The following MYT1 variants were observed in gnomAD, a reference collection of about 807,000 sequenced individuals.
MYT1 encodes myelin transcription factor I.
Under a neutral mutation model 123.0 loss-of-function variants are expected in MYT1, and 23 were observed. The observed-to-expected ratio is 0.19, with a 90% CI of 0.13 to 0.26. MYT1 has a LOEUF of 0.26. MYT1 is among the 10% of genes least tolerant of loss of function. MYT1 has a pLI of 1.00. For synonymous variants in MYT1, 518 were observed against 575.3 expected, an observed-to-expected ratio of 0.90 and a Z score of 1.43; for missense variants, 1,125 against 1,472.5, an observed-to-expected ratio of 0.76 and a Z score of 3.86.
At chr20:64,236,003 C>T (rs1179486468) in intron 19 of MYT1, among the ~76,000 whole-genome samples, 22 of 41,624 alleles carry the variant, frequency 5.3e-4, no homozygotes, top group Admixed American at 1.3e-3. Context: ...GGGCTGGCCG[C>T]GGTGGGTGAC....
Position 64,215,437 on chromosome 20 carries a change from C to T in MYT1, c.1632-1630C>T, listed in dbSNP as rs532430512. 4.4e-4 allele frequency among the ~76,000 whole-genome samples: 67 copies of T among 152,312 alleles called. 2 individuals are homozygous for T. The South Asian group carries it at 0.013, about 29-fold the overall frequency. ...CCCGTTAGGCCCTTTTGATTCTATC[C>T]AGCCCACATTTCTGGCTATCGAACT... On this transcript the variant is annotated intron_variant, in intron 10 of 22. Transcript: ENST00000328439.
rs1425195458 is a variant in MYT1 at position 64,168,502 on chromosome 20, C to T, written c.-99+3763C>T. Among the ~76,000 whole-genome samples, 1 of 152,342 alleles carries T rather than the reference C, an allele frequency of 6.6e-6. No homozygotes were observed. The highest frequency in any genetic ancestry group is 2.1e-4 in the South Asian group (1 of 4,828). On this transcript the variant is annotated intron_variant, in intron 1 of 22. Coordinates refer to ENST00000328439, the MANE Select transcript of MYT1 (RefSeq NM_004535.3). This position sits in a 1 kb window ranked among gnomAD's most constrained non-coding sequence, Gnocchi z 6.1. Reference sequence around the variant, plus strand: ...TGCTTTAATCTGCCCTGGCTGAGTACATCTGCCTTGGCCAGGATTGGAGTC... The same window carrying T: ...TGCTTTAATCTGCCCTGGCTGAGTATATCTGCCTTGGCCAGGATTGGAGTC...
At chr20:64,195,497 G>A (rs1320287782) in intron 2 of MYT1, among the ~76,000 whole-genome samples, 4 of 150,676 alleles carry the variant, frequency 2.7e-5, no homozygotes, top group African/African-American at 4.9e-5. Context: ...CTGGGTTCAA[G>A]TGATCCTCCT....
chr20:64,180,894 G>T lies in MYT1; in HGVS notation c.-98-9169G>T, dbSNP rs138419288. On this transcript the variant is annotated intron_variant, in intron 1 of 22. Transcript: ENST00000328439. The stretch of plus-strand genomic sequence containing the variant: ...CCACCCCTGCCACATGCACCTCCCT[G>T]CCCTCGCTTCCCTTACTCGCGGTTC... 2.6e-3 allele frequency among the ~76,000 whole-genome samples: 392 copies of T among 152,288 alleles called. 3 individuals carry two copies. Among genetic ancestry groups the T allele is most frequent in the African/African-American group, 8.9e-3 (369 of 41,564 alleles).
chr20:64,220,834 G>A (rs889461962), intron 13 of MYT1, among the ~76,000 whole-genome samples: 3 of 59,276 alleles, frequency 5.1e-5, no homozygotes, highest in Non-Finnish European at 1.1e-4. Context: ...CCCCTATGAA[G>A]GGTAGGGGCT....
At chr20:64,205,844 T>G (rs770236210) in intron 6 of MYT1, 44 bp downstream of exon 6, 1 of 1,601,812 alleles carries the variant, frequency 6.2e-7, no homozygotes, top group Admixed American at 1.7e-5. Flanking sequence ...GCGCTTAGTG[T>G]GGCCCTGGAG....
Position 64,231,912 on chromosome 20 carries a change from CT to C in MYT1, c.2676-251del, listed in dbSNP as rs1984330639. 6.6e-6 allele frequency among the ~76,000 whole-genome samples: 1 copy of C among 152,178 alleles called. No homozygotes were observed. The highest frequency in any genetic ancestry group is 2.1e-4 in the South Asian group (1 of 4,830). ...GCTGGAGGGCACGGAAAGAAGGTGGCTGTGGAGACCCCAGTCATGCAGGGGC... is the reference window on the plus strand; with the variant it reads ...GCTGGAGGGCACGGAAAGAAGGTGGCGTGGAGACCCCAGTCATGCAGGGGC... On this transcript the variant is annotated intron_variant, in intron 18 of 22. Coordinates refer to ENST00000328439, the MANE Select transcript of MYT1 (RefSeq NM_004535.3). This position sits in a 1 kb window ranked among gnomAD's most constrained non-coding sequence, Gnocchi z 6.4.
At chr20:64,235,858 GTGGTGGGTGA>G (rs1984515941) in intron 19 of MYT1, among the ~76,000 whole-genome samples, 1 of 86,654 alleles carries the variant, frequency 1.2e-5, no homozygotes, top group Admixed American at 1.0e-4. Flanking sequence ...TGGGCTGGCC[GTGGTGGGTGA>G]CGCTGGGATG....
chr20:64,200,659 T>C (rs1183917847), intron 4 of MYT1, among the ~76,000 whole-genome samples: 1 of 152,192 alleles, frequency 6.6e-6, no homozygotes, highest in African/African-American at 2.4e-5. Context: ...CAGTCACACA[T>C]CACAGTCTTG....
In MYT1 at chr20:64,207,778, T is replaced by C. The variant is rs920641406; in HGVS notation, c.582T>C (p.Ile194=). 2 of 1,613,622 alleles carry C rather than the reference T, an allele frequency of 1.2e-6. No individual in the cohort carries two copies. Among genetic ancestry groups the C allele is most frequent in the African/African-American group, 2.7e-5 (2 of 74,816 alleles). ...LGQAAKPGPG[I]VHLLQEAAEG... is the part of the protein sequence containing the mutation. ...AGGCGGCCAAGCCAGGTCCTGGCAT[T>C]GTGCACCTGCTTCAGGAGGCTGCAG... The change falls in exon 7 of 23, where the codon ATT becomes ATC. Residue 194 remains isoleucine (I), a synonymous_variant. Transcript: ENST00000328439.
chr20:64,169,847 CT>C (rs1296722420), intron 1 of MYT1, among the ~76,000 whole-genome samples: 1 of 152,188 alleles, frequency 6.6e-6, no homozygotes, highest in African/African-American at 2.4e-5. Flanking sequence ...TTGTTCAGTT[CT>C]CATGAACGTG....
rs768535718 is a variant in MYT1, at chr20:64,232,389, A to G, written c.2897+4A>G. ...GGAGTTTCCTCACCCACCGGAGGTA[A>G]CTGTGCCTGCAGGTCCTGCCCCTCT... On this transcript the variant is annotated splice_donor_region_variant and intron_variant, in intron 19 of 22. Coordinates refer to ENST00000328439, the MANE Select transcript of MYT1 (RefSeq NM_004535.3). This position sits in a 1 kb window ranked among gnomAD's most constrained non-coding sequence, Gnocchi z 6.9. 4 of 1,612,836 alleles carry G rather than the reference A, an allele frequency of 2.5e-6. No homozygotes were observed. In the East Asian group the frequency reaches 8.9e-5, roughly 36 times the overall value.
At chr20:64,223,049 G>A (rs1220916291) in intron 14 of MYT1, 62 bp from the exon 15 acceptor site, 6 of 1,595,884 alleles carry the variant, frequency 3.8e-6, no homozygotes, top group Middle Eastern at 1.7e-4. Flanking sequence ...CGCAGAGCAG[G>A]CTCAGCCTGG....
chr20:64,223,415 C>T, intron 16 of MYT1, 56 bp downstream of exon 16: 1 of 1,590,494 alleles, frequency 6.3e-7, no homozygotes, highest in Non-Finnish European at 8.6e-7. Flanking sequence ...GCTTTGCTCT[C>T]CTTCCATGAG....
At chr20:64,236,742 G>A in intron 20 of MYT1, 96 bp downstream of exon 20, 1 of 1,057,134 alleles carries the variant, frequency 9.5e-7, no homozygotes, top group Non-Finnish European at 1.4e-6. Context: ...AGGTTAGGGA[G>A]ATGAAGCCCC....
intron 17 of MYT1, 100 bp downstream of exon 17, chr20:64,227,577 G>A: frequency 9.2e-7 from 1 of 1,084,118 alleles, no homozygotes; most frequent in Non-Finnish European, 1.3e-6. Flanking sequence ...GACAGCTAGA[G>A]TCCATTCCCA....
intron 1 of MYT1, among the ~76,000 whole-genome samples, chr20:64,165,449 A>G (rs1346516063): frequency 6.6e-6 from 1 of 152,152 alleles, no homozygotes; most frequent in African/African-American, 2.4e-5. Context: ...GTTAGCTAAG[A>G]AGTTGAACAC....
At chr20:64,223,402 C>T in intron 16 of MYT1, 43 bp downstream of exon 16, 1 of 1,602,692 alleles carries the variant, frequency 6.2e-7, no homozygotes, top group Non-Finnish European at 8.5e-7. Context: ...GGGCGGCACC[C>T]TCGCTTTGCT....
intron 7 of MYT1, among the ~76,000 whole-genome samples, chr20:64,209,358 C>A (rs566384750): frequency 6.6e-6 from 1 of 152,318 alleles, no homozygotes; most frequent in South Asian, 2.1e-4. Context: ...CCAGGGAGGC[C>A]AGGCCTTGGA....
Sources: allele counts gnomAD v4.1 joint callset (sites outside exome capture counted in the v4.1 genomes callset), GRCh38; gene constraint gnomAD v4.1.1; non-coding constraint Gnocchi (gnomAD v3.1); transcripts MANE v1.5; gene names NCBI Gene and HGNC (gene_info 2026-07-23, HGNC 2026-07-21).